Variants in TTC6 observed in about 807,000 individuals in gnomAD.
TTC6 encodes the protein tetratricopeptide repeat domain 6, also known as tetratricopeptide repeat protein 6.
In TTC6, 172 loss-of-function variants were observed where a neutral mutation model predicts 210.4. The ratio of observed to expected loss-of-function variants is 0.82; its 90% CI spans 0.72 to 0.93. The LOEUF (loss-of-function observed/expected upper bound fraction) is 0.93. TTC6 is among the 40% of genes least tolerant of loss of function. TTC6 has a pLI of 0.00. For missense variants in TTC6, 2,414 were observed against 2,318.1 expected, an observed-to-expected ratio of 1.04 and a Z score of -0.85; for synonymous variants, 804 against 819.6, an observed-to-expected ratio of 0.98 and a Z score of 0.32.
intron 1 of TTC6, among the ~76,000 whole-genome samples, chr14:37,641,363 C>T (rs1200392036): frequency 2.0e-5 from 3 of 152,176 alleles, no homozygotes; most frequent in Non-Finnish European, 2.9e-5. Flanking sequence ...GGTAGATAAA[C>T]AGTTTGACAG....
At chr14:37,672,226 C>A (rs1223528596) in intron 1 of TTC6, among the ~76,000 whole-genome samples, 1 of 152,106 alleles carries the variant, frequency 6.6e-6, no homozygotes, top group Non-Finnish European at 1.5e-5. Context: ...CTCCCTCCAT[C>A]CCTTGACCCA....
intron 24 of TTC6, among the ~76,000 whole-genome samples, chr14:37,809,495 G>T (rs891120783): frequency 6.6e-6 from 1 of 151,998 alleles, no homozygotes; most frequent in African/African-American, 2.4e-5. Flanking sequence ...CTCGTGATCC[G>T]CCTGCCTCGG....
At chr14:37,789,079 A>G (rs2096073759) in intron 15 of TTC6, among the ~76,000 whole-genome samples, 1 of 152,156 alleles carries the variant, frequency 6.6e-6, no homozygotes, top group Non-Finnish European at 1.5e-5. Context: ...TTCCTACCAG[A>G]CAGCCCAAGG....
At chr14:37,659,041 G>T (rs1478650594) in intron 1 of TTC6, among the ~76,000 whole-genome samples, 1 of 151,950 alleles carries the variant, frequency 6.6e-6, no homozygotes, top group Non-Finnish European at 1.5e-5. Flanking sequence ...TTGTTTTTCT[G>T]TTCCTGTATT....
chr14:37,625,991 T>C (rs192450906), intron 1 of TTC6, among the ~76,000 whole-genome samples: 19 of 152,286 alleles, frequency 1.2e-4, no homozygotes, highest in African/African-American at 4.6e-4. Context: ...GTCCTGTGAA[T>C]TGTAGGATGT....
chr14:37,643,883 G>A (rs996882831), intron 1 of TTC6, among the ~76,000 whole-genome samples: 7 of 152,116 alleles, frequency 4.6e-5, no homozygotes, highest in Admixed American at 6.6e-5. Context: ...TTATGCTGTC[G>A]AGACCTGCCT....
intron 14 of TTC6, among the ~76,000 whole-genome samples, chr14:37,780,023 G>A (rs2139247925): frequency 6.6e-6 from 1 of 152,256 alleles, no homozygotes; most frequent in South Asian, 2.1e-4. Context: ...TGACGAAGTT[G>A]AAACAAATGC....
chr14:37,596,639 A>G (rs1195141426), intron 1 of TTC6, among the ~76,000 whole-genome samples: 1 of 152,176 alleles, frequency 6.6e-6, no homozygotes, highest in Non-Finnish European at 1.5e-5. Flanking sequence ...ATTTCTGAGC[A>G]TGTGTGACTG....
chr14:37,775,274 A>G (rs1164700590), intron 14 of TTC6, among the ~76,000 whole-genome samples: 1 of 151,878 alleles, frequency 6.6e-6, no homozygotes, highest in Non-Finnish European at 1.5e-5. Flanking sequence ...GCTATCTTTC[A>G]GGTTGGTTTG....
intron 25 of TTC6, among the ~76,000 whole-genome samples, chr14:37,816,052 C>CAA (rs71127247): frequency 2.8e-5 from 4 of 142,214 alleles, no homozygotes; most frequent in East Asian, 2.2e-4. Context: ...TTAATTTTAG[C>CAA]AAAAAAAAAA....
intron 6 of TTC6, 112 bp from the exon 9 acceptor site, chr14:37,724,786 C>G: frequency 1.8e-6 from 1 of 552,002 alleles, no homozygotes; most frequent in Non-Finnish European, 3.0e-6. Flanking sequence ...TTTTCAGAAG[C>G]TGTGGAACCA....
chr14:37,622,019 T>C, upstream of TTC6: 2 of 1,351,624 alleles, frequency 1.5e-6, no homozygotes, highest in Non-Finnish European at 2.0e-6. Flanking sequence ...GCACACAACA[T>C]ATGTGATTGT....
intron 20 of TTC6, among the ~76,000 whole-genome samples, chr14:37,797,257 C>T (rs567498892): frequency 4.5e-4 from 68 of 152,040 alleles, no homozygotes; most frequent in African/African-American, 1.5e-3. Flanking sequence ...TTTCATAGGG[C>T]GGTACCAATT....
At chr14:37,663,913 A>G (rs2095742538) in intron 1 of TTC6, among the ~76,000 whole-genome samples, 1 of 152,142 alleles carries the variant, frequency 6.6e-6, no homozygotes, top group Admixed American at 6.6e-5. Context: ...ATTGCTACAG[A>G]AAGAATAAAT....
At chr14:37,757,040 C>T (rs1455327101) in intron 14 of TTC6, among the ~76,000 whole-genome samples, 1 of 152,014 alleles carries the variant, frequency 6.6e-6, no homozygotes, top group East Asian at 1.9e-4. Context: ...TGTTATTGGT[C>T]TATTCAGGGA....
intron 14 of TTC6, among the ~76,000 whole-genome samples, chr14:37,772,924 C>G (rs1391940467): frequency 1.3e-5 from 2 of 152,150 alleles, no homozygotes; most frequent in Non-Finnish European, 2.9e-5. Flanking sequence ...AAGAAAATGT[C>G]ATTTTAATAA....
intron 2 of TTC6, among the ~76,000 whole-genome samples, chr14:37,610,140 G>A (rs974850286): frequency 6.6e-6 from 1 of 152,184 alleles, no homozygotes; most frequent in African/African-American, 2.4e-5. Context: ...GTCCCAGGCT[G>A]GCTTTGTCTG....
intron 20 of TTC6, chr14:37,802,189 G>C (rs1163284473): frequency 2.6e-5 from 4 of 152,098 alleles, no homozygotes; most frequent in African/African-American, 9.7e-5. Flanking sequence ...TGAACAATGA[G>C]AACACATGGA....
At chr14:37,740,813 A>G (rs1338985990) in intron 10 of TTC6, among the ~76,000 whole-genome samples, 2 of 152,182 alleles carry the variant, frequency 1.3e-5, no homozygotes, top group African/African-American at 4.8e-5. Flanking sequence ...CATTTTCAAT[A>G]CATTTACTGA....
Sources: gnomAD v4.1 joint callset for allele counts (sites outside exome capture counted in the v4.1 genomes callset) on GRCh38, gnomAD v4.1.1 for gene constraint, MANE v1.5 for transcripts, NCBI Gene and HGNC (gene_info 2026-07-23, HGNC 2026-07-21) for gene names.